Variants in SHC1 observed in about 807,000 individuals in gnomAD.
SHC1 encodes SHC-transforming protein 1.
SHC1 carries 30 observed loss-of-function variants against 55.9 expected under a neutral mutation model. That is an observed-to-expected ratio of 0.54 (90% CI 0.40 to 0.73). The LOEUF is 0.73. SHC1 is among the 30% of genes least tolerant of loss of function. The probability of loss-of-function intolerance (pLI) is 0.00; values close to 1 mark genes in which losing one functional copy is unlikely to be tolerated. For missense variants in SHC1, 675 were observed against 777.1 expected (o/e 0.87, Z 1.56); for synonymous variants, 309 against 306.1 (o/e 1.01, Z -0.10).
At position 154,962,298 on chromosome 1, in the gene SHC1, TAGA is replaced by T. The variant is rs1193206150; in HGVS notation, c.*1502_*1504del. 1.3e-5 allele frequency: 2 copies of T among 152,836 alleles called. No homozygotes were observed. Among genetic ancestry groups the T allele is most frequent in the East Asian group, 3.8e-4 (2 of 5,310 alleles). 9.5% of individuals were successfully genotyped at this position (152,836 alleles called of 1,614,324 possible). A position where few individuals can be genotyped will look rare whatever the true frequency, so the allele number is the denominator to read the frequency against. On this transcript the variant is annotated 3_prime_UTR_variant, in exon 12 of 12. Coordinates refer to ENST00000448116, the MANE Select transcript of SHC1 (RefSeq NM_001130040.2). ...TCCCAGAAGGGTTAAGAGGCAGAGG[TAGA>T]AGAAATACGGACTTTAATGAAGAGT...
rs779412057 is a variant in SHC1, at chr1:154,965,973, T to C, written c.1360A>G (p.Ser454Gly). ...AGPPNPAING[S>G]APRDLFDMKP... is the part of the protein sequence containing the mutation. ...ATGTCAAACAGGTCCCGGGGTGCAC[T>C]GCCATTGATAGCAGGATTGGGGGGC... is the stretch of plus-strand genomic sequence containing the variant. The change falls in exon 10 of 12, where the codon AGT (serine) becomes GGT (glycine). Residue 454 changes from serine to glycine, a missense_variant. Ser to Gly is a moderately conservative substitution (Grantham distance 56). Transcript: ENST00000448116. 5 of 1,613,648 alleles carry C rather than the reference T, an allele frequency of 3.1e-6. No individual in the cohort carries two copies. The highest frequency in any genetic ancestry group is 4.2e-6 in the Non-Finnish European group (5 of 1,179,764).
chr1:154,972,205 AT>A (rs1656820475), upstream of SHC1, among the ~76,000 whole-genome samples: 1 of 151,714 alleles, frequency 6.6e-6, no homozygotes. Context: ...AGATCGAGCC[AT>A]TGCACTCCAG....
upstream of SHC1, among the ~76,000 whole-genome samples, chr1:154,971,896 G>T (rs1423200061): frequency 3.3e-5 from 5 of 151,720 alleles, no homozygotes; most frequent in Non-Finnish European, 7.4e-5. Context: ...TCCTGCCACT[G>T]CTCTTCCGGA....
upstream of SHC1, among the ~76,000 whole-genome samples, chr1:154,971,096 G>A (rs1270547328): frequency 6.6e-6 from 1 of 152,164 alleles, no homozygotes; most frequent in African/African-American, 2.4e-5. Flanking sequence ...GAATGAGGGA[G>A]GAAACAGAGG....
chr1:154,962,888 T>G lies in SHC1; in HGVS notation c.*915A>C, dbSNP rs1198184466. 1.3e-5 allele frequency: 2 copies of G among 152,766 alleles called. No individual in the cohort carries two copies. Among genetic ancestry groups the G allele is most frequent in the Admixed American group, 6.5e-5 (1 of 15,280 alleles). 9.5% of individuals were successfully genotyped at this position (152,766 alleles called of 1,614,324 possible). On this transcript the variant is annotated 3_prime_UTR_variant, in exon 12 of 12. Coordinates refer to ENST00000448116, the MANE Select transcript of SHC1 (RefSeq NM_001130040.2). ...GGGGATTGTCTACTGCTTTATAGTC[T>G]CAATGCCCCTTTTCTCACCTCCACA...
In SHC1 at chr1:154,970,256, C is replaced by G; in HGVS notation, c.271G>C (p.Gly91Arg). The change falls in exon 1 of 12, where the codon GGG becomes CGG. Residue 91 changes from glycine (G) to arginine (R), a missense_variant. Physicochemically the swap from Gly to Arg is moderately radical, Grantham distance 125 (BLOSUM62 -2). Transcript: ENST00000448116. The surrounding 1 kb of genome is among the most constrained non-coding windows in gnomAD (Gnocchi z 5.5). Reference sequence around the variant, plus strand: ...ATGGCTGCCCCTACGATCCCCTCCCCATCATCAGCTGCCCTTCCTGGCTCC... The same window carrying G: ...ATGGCTGCCCCTACGATCCCCTCCCGATCATCAGCTGCCCTTCCTGGCTCC... ...KGEPGRAADD[G>R]EGIVGAAMPD... The G allele has an allele frequency of 6.2e-7, 1 of 1,611,260 alleles. No homozygotes were observed. The highest frequency in any genetic ancestry group is 2.2e-5 in the East Asian group (1 of 44,824).
intron 11 of SHC1, among the ~76,000 whole-genome samples, chr1:154,964,761 T>C (rs1195694544): frequency 1.3e-5 from 2 of 152,066 alleles, no homozygotes; most frequent in Non-Finnish European, 2.9e-5. Flanking sequence ...CCACCACACC[T>C]GGCTAAACAA....
chr1:154,970,393 A>T lies in SHC1; in HGVS notation c.134T>A (p.Ile45Asn). ...ATCGTCCCCAGGCAGAGGAGGCAGG[A>T]TGGGCCCCAGGGATGAAGCTGATGG... ...PSPSASSLGP[I>N]LPPLPGDDSP... Residue 45 changes from isoleucine to asparagine, a missense_variant, in exon 1 of 12, where the codon ATC becomes AAC. Physicochemically the swap from Ile to Asn is moderately radical, Grantham distance 149. This residue lies in a region of SHC1 where 156 missense variants were observed against 159.1 expected (regional missense o/e 0.98). Coordinates refer to ENST00000448116, the MANE Select transcript of SHC1 (RefSeq NM_001130040.2). The surrounding 1 kb of genome is among the most constrained non-coding windows in gnomAD (Gnocchi z 5.5). 6.2e-7 allele frequency: 1 copy of T among 1,603,378 alleles called. No homozygotes were observed. The highest frequency in any genetic ancestry group is 8.5e-7 in the Non-Finnish European group (1 of 1,175,284).
Position 154,968,624 on chromosome 1 carries a change from G to T in SHC1, c.631-10C>A, listed in dbSNP as rs748098800. 2 of 1,614,018 alleles carry T rather than the reference G, an allele frequency of 1.2e-6. No individual in the cohort carries two copies. The highest frequency in any genetic ancestry group is 1.7e-6 in the Non-Finnish European group (2 of 1,179,968). On this transcript the variant is annotated splice_polypyrimidine_tract_variant and intron_variant, in intron 3 of 11. Transcript: ENST00000448116. ...GCGGGCGGCTACAGGGCTAAGGTAG[G>T]GCCCAGGGTCTCAGAAGGTGAGGGT...
chr1:154,965,717 G>T lies in SHC1; in HGVS notation c.1452C>A (p.Leu484=). 6.2e-7 allele frequency: 1 copy of T among 1,614,156 alleles called. No individual in the cohort carries two copies. The highest frequency in any genetic ancestry group is 8.5e-7 in the Non-Finnish European group (1 of 1,180,028). ...TCCCATGGAACCAGGGCTCCCCTCGGAGCTGCTCAGCCATGGACACCGACT... is the reference window on the plus strand; with the variant it reads ...TCCCATGGAACCAGGGCTCCCCTCGTAGCTGCTCAGCCATGGACACCGACT... The part of the protein sequence containing the change: ...PPQSVSMAEQ[L]RGEPWFHGKL... Residue 484 remains leucine, a synonymous_variant, in exon 11 of 12, where the codon CTC becomes CTA. Coordinates refer to ENST00000448116, the MANE Select transcript of SHC1 (RefSeq NM_001130040.2).
At position 154,966,182 on chromosome 1, in the gene SHC1, G is replaced by A; in HGVS notation, c.1232C>T (p.Pro411Leu). 1 of 1,614,128 alleles carries A rather than the reference G, an allele frequency of 6.2e-7. No individual in the cohort carries two copies. Among genetic ancestry groups the A allele is most frequent in the Non-Finnish European group, 8.5e-7 (1 of 1,180,002 alleles). ...GGDPEVRKQM[P>L]PPPPCPAGRE... ...CATACCTGGACAGGGTGGTGGAGGTGGCATCTGTTTGCGGACTTCTGGATC... is the reference window on the plus strand; with the variant it reads ...CATACCTGGACAGGGTGGTGGAGGTAGCATCTGTTTGCGGACTTCTGGATC... The change falls in exon 9 of 12, where the codon CCA (proline) becomes CTA (leucine). Residue 411 changes from proline to leucine, a missense_variant. Coordinates refer to ENST00000448116, the MANE Select transcript of SHC1 (RefSeq NM_001130040.2).
chr1:154,965,727 G>T lies in SHC1; in HGVS notation c.1442C>A (p.Ala481Asp), dbSNP rs1221423217. The stretch of plus-strand genomic sequence containing the variant: ...CCAGGGCTCCCCTCGGAGCTGCTCA[G>T]CCATGGACACCGACTGGGGAGGTGG... ...VPPPPQSVSM[A>D]EQLRGEPWFH... Residue 481 changes from alanine to aspartate, a missense_variant, in exon 11 of 12, where the codon GCT (alanine) becomes GAT (aspartate). By Grantham distance (126) the Ala-to-Asp change is moderately radical (BLOSUM62 -2). Around this residue, in one of 3 missense-constraint regions of SHC1, gnomAD observed 360 missense variants for 371.1 expected, o/e 0.97. Transcript: ENST00000448116. The T allele has an allele frequency of 1.2e-6, 2 of 1,614,156 alleles. No homozygotes were observed. Among genetic ancestry groups the T allele is most frequent in the South Asian group, 2.2e-5 (2 of 91,086 alleles).
At position 154,962,307 on chromosome 1, in the gene SHC1, T is replaced by TA. The variant is rs1655419779; in HGVS notation, c.*1495dup. On this transcript the variant is annotated 3_prime_UTR_variant, in exon 12 of 12. Coordinates refer to ENST00000448116, the MANE Select transcript of SHC1 (RefSeq NM_001130040.2). The stretch of plus-strand genomic sequence containing the variant: ...GGTTAAGAGGCAGAGGTAGAAGAAA[T>TA]ACGGACTTTAATGAAGAGTTTTCCC... 2.0e-5 allele frequency: 3 copies of TA among 152,706 alleles called. No individual in the cohort carries two copies. 9.5% of individuals were successfully genotyped at this position (152,706 alleles called of 1,614,324 possible).
intron 7 of SHC1, 112 bp downstream of exon 7, chr1:154,967,559 G>C: frequency 1.7e-6 from 2 of 1,160,838 alleles, no homozygotes; most frequent in Non-Finnish European, 2.4e-6. Flanking sequence ...GTGGGAAGCA[G>C]AGGCACACAG....
rs750190208 is a variant in SHC1, at chr1:154,962,485, A to G, written c.*1318T>C. 2 of 152,584 alleles carry G rather than the reference A, an allele frequency of 1.3e-5. No individual in the cohort carries two copies. Among genetic ancestry groups the G allele is most frequent in the African/African-American group, 2.4e-5 (1 of 41,432 alleles). 9.5% of individuals were successfully genotyped at this position (152,584 alleles called of 1,614,324 possible). A position where few individuals can be genotyped will look rare whatever the true frequency, so the allele number is the denominator to read the frequency against. ...GGCCTAGGCTGGGCCGGGCCTGTAG[A>G]AGGTACTCAGGAACTGCAGGTTTTG... On this transcript the variant is annotated 3_prime_UTR_variant, in exon 12 of 12. Coordinates refer to ENST00000448116, the MANE Select transcript of SHC1 (RefSeq NM_001130040.2).
rs759048628 is a variant in SHC1 at position 154,968,604 on chromosome 1, C to T, written c.641G>A (p.Arg214His). The T allele has an allele frequency of 2.3e-5, 37 of 1,613,948 alleles. No individual in the cohort carries two copies. The highest frequency in any genetic ancestry group is 2.4e-5 in the Non-Finnish European group (28 of 1,180,002). The change falls in exon 4 of 12, where the codon CGC becomes CAC. Residue 214 changes from arginine (R) to histidine (H), a missense_variant. By Grantham distance (29) the Arg-to-His change is conservative. Transcript: ENST00000448116. ...CCTCCCCAGGATAGAGCTGAGCGGG[C>T]GGCTACAGGGCTAAGGTAGGGCCCA... The part of the protein sequence containing the change: ...GATRRRKPCS[R>H]PLSSILGRSN...
Position 154,966,451 on chromosome 1 carries a change from A to G in SHC1, c.1050T>C (p.Tyr350=), listed in dbSNP as rs143720047. 5.6e-6 allele frequency: 9 copies of G among 1,612,596 alleles called. No homozygotes were observed. Among genetic ancestry groups the G allele is most frequent in the Non-Finnish European group, 6.8e-6 (8 of 1,179,270 alleles). The change falls in exon 8 of 12, where the codon TAT becomes TAC. Residue 350 remains tyrosine (Y), a synonymous_variant. Transcript: ENST00000448116. Reference sequence around the variant, plus strand: ...GGGGTTCCTTCCCCGGGAAGTCATTATAGTACTGATGGTCAGGTGGCTCTT... The same window carrying G: ...GGGGTTCCTTCCCCGGGAAGTCATTGTAGTACTGATGGTCAGGTGGCTCTT... ...EEEEPPDHQY[Y]NDFPGKEPPL... is the part of the protein sequence containing the mutation.
Position 154,965,989 on chromosome 1 carries a change from A to C in SHC1, c.1344T>G (p.Asn448Lys). 1 of 1,613,934 alleles carries C rather than the reference A, an allele frequency of 6.2e-7. No individual in the cohort carries two copies. Among genetic ancestry groups the C allele is most frequent in the South Asian group, 1.1e-5 (1 of 91,066 alleles). The part of the protein sequence containing the change: ...RQAVGGAGPP[N>K]PAINGSAPRD... ...GGGGTGCACTGCCATTGATAGCAGG[A>C]TTGGGGGGCCCAGCACCACCCACTG... Residue 448 changes from asparagine to lysine, a missense_variant, in exon 10 of 12, where the codon AAT (asparagine) becomes AAG (lysine). Around this residue, in one of 3 missense-constraint regions of SHC1, gnomAD observed 360 missense variants for 371.1 expected, o/e 0.97. Coordinates refer to ENST00000448116, the MANE Select transcript of SHC1 (RefSeq NM_001130040.2).
At chr1:154,969,200 G>A (rs951867272) in intron 2 of SHC1, among the ~76,000 whole-genome samples, 178 bp downstream of exon 2, 2 of 152,132 alleles carry the variant, frequency 1.3e-5, no homozygotes. Context: ...GGAGGATCCG[G>A]GCCAAAGGGG....
Sources: allele counts gnomAD v4.1 joint callset (sites outside exome capture counted in the v4.1 genomes callset), GRCh38; gene constraint gnomAD v4.1.1; regional missense constraint gnomAD v4.1.1; non-coding constraint Gnocchi (gnomAD v3.1); transcripts MANE v1.5; gene names NCBI Gene and HGNC (gene_info 2026-07-23, HGNC 2026-07-21).